HIVEP3: variants seen among roughly 807,000 people sequenced by gnomAD.
HIVEP3 encodes the protein HIVEP zinc finger 3, also known as transcription factor HIVEP3.
HIVEP3 carries 49 observed loss-of-function variants against 152.8 expected under a neutral mutation model. The observed-to-expected ratio is 0.32, with a 90% confidence interval of 0.26 to 0.41. The LOEUF (loss-of-function observed/expected upper bound fraction) is 0.41, where lower values mean the gene tolerates loss of function less well. HIVEP3 is among the 10% of genes least tolerant of loss of function. The pLI is 1.00. For missense variants in HIVEP3, 2,790 were observed against 3,103.3 expected, an observed-to-expected ratio of 0.90 and a Z score of 2.40; for synonymous variants, 1,269 against 1,289.0, an observed-to-expected ratio of 0.98 and a Z score of 0.33.
At chr1:41,710,828 T>C (rs1048484382) in intron 1 of HIVEP3, among the ~76,000 whole-genome samples, 6 of 152,336 alleles carry the variant, frequency 3.9e-5, no homozygotes, top group African/African-American at 1.4e-4. Flanking sequence ...CGGCTGATCA[T>C]AGCTTCTTAA....
chr1:41,510,997 GAA>G lies in HIVEP3; in HGVS notation c.6673_6674del (p.Phe2225LeufsTer23). On this transcript the variant is annotated frameshift_variant, in exon 9 of 9. Coordinates refer to ENST00000372583, the MANE Select transcript of HIVEP3 (RefSeq NM_024503.5). LOFTEE classifies it high-confidence loss of function. ...CTGTCAGGTCGCTGCCACCCCCGGA[GAA>G]GCCACTGACCCAGGCTGCGGTGGGC... is the stretch of plus-strand genomic sequence containing the variant. ...PGPTAAWVSG[F>X]SGGGSDLTGA... 1 of 1,613,514 alleles carries G rather than the reference GAA, an allele frequency of 6.2e-7. No individual in the cohort carries two copies. Among genetic ancestry groups the G allele is most frequent in the South Asian group, 1.1e-5 (1 of 91,046 alleles).
Position 41,795,004 on chromosome 1 carries a change from T to G in HIVEP3, c.-800-94009A>C, listed in dbSNP as rs148633769. Among the ~76,000 whole-genome samples the G allele has an allele frequency of 4.6e-5, 7 of 152,334 alleles. No homozygotes were observed. The South Asian group carries it at 8.3e-4, about 18-fold the overall frequency. ...ATGTAGTGGCACAATCATAGCTTAC[T>G]ATAACCTCAAATGGACCTAAGACTA... is the stretch of plus-strand genomic sequence containing the variant. On this transcript the variant is annotated intron_variant, in intron 1 of 8. Transcript: ENST00000372583.
At chr1:41,531,151 G>A (rs1643233971) in intron 5 of HIVEP3, among the ~76,000 whole-genome samples, 1 of 151,438 alleles carries the variant, frequency 6.6e-6, no homozygotes, top group Non-Finnish European at 1.5e-5. Flanking sequence ...ATGGAGGACA[G>A]GAGAGAAGGG....
At chr1:41,529,308 C>A (rs1643154279) in intron 5 of HIVEP3, among the ~76,000 whole-genome samples, 1 of 142,462 alleles carries the variant, frequency 7.0e-6, no homozygotes, top group Non-Finnish European at 1.5e-5. Flanking sequence ...CACCATCACA[C>A]ATGCTCACAC....
In HIVEP3 at chr1:41,564,374, G is replaced by A. The variant is rs534817955; in HGVS notation, c.5207+11170C>T. Among the ~76,000 whole-genome samples the A allele has an allele frequency of 2.4e-4, 37 of 152,320 alleles. No homozygotes were observed. The East Asian group carries it at 7.1e-3, about 29-fold the overall frequency. ...GAATAACAGCAGTTCCAGAGAGAGA[G>A]AAGAAACAGAGGAGAGGAGATAATC... On this transcript the variant is annotated intron_variant, in intron 5 of 8. Coordinates refer to ENST00000372583, the MANE Select transcript of HIVEP3 (RefSeq NM_024503.5).
intron 2 of HIVEP3, among the ~76,000 whole-genome samples, chr1:41,695,175 G>C (rs1646253909): frequency 6.6e-6 from 1 of 152,222 alleles, no homozygotes; most frequent in Non-Finnish European, 1.5e-5. Context: ...CTATGGGACT[G>C]GGGAGTGGAG....
At chr1:41,748,666 CA>C (rs1472876493) in intron 1 of HIVEP3, among the ~76,000 whole-genome samples, 3 of 152,178 alleles carry the variant, frequency 2.0e-5, no homozygotes, top group Non-Finnish European at 4.4e-5. Flanking sequence ...TCACAGTCAC[CA>C]TTGCATGATG....
intron 1 of HIVEP3, among the ~76,000 whole-genome samples, chr1:41,966,625 C>G (rs958895182): frequency 4.0e-5 from 6 of 151,270 alleles, no homozygotes; most frequent in African/African-American, 1.5e-4. Flanking sequence ...AGGTGCCCAT[C>G]ACCGTGCCCA....
At chr1:42,029,453 T>C (rs568835327) in intron 1 of HIVEP3, among the ~76,000 whole-genome samples, 1 of 152,336 alleles carries the variant, frequency 6.6e-6, no homozygotes, top group South Asian at 2.1e-4. Flanking sequence ...TGCTAATTCC[T>C]ACCTAGAAGG....
At chr1:41,594,481 C>T (rs1041094884) in intron 3 of HIVEP3, among the ~76,000 whole-genome samples, 20 of 152,156 alleles carry the variant, frequency 1.3e-4, no homozygotes, top group African/African-American at 4.8e-4. Context: ...CTCAGCCTCC[C>T]GAAGTGCTGG....
Position 41,845,419 on chromosome 1 carries a change from G to A in HIVEP3, c.-801+72994C>T, listed in dbSNP as rs12077556. Among the ~76,000 whole-genome samples the A allele has an allele frequency of 3.1e-3, 425 of 136,152 alleles. 2 individuals are homozygous for A. Among genetic ancestry groups the A allele is most frequent in the African/African-American group, 0.011 (370 of 34,626 alleles). The allele number at this position is 136,152 out of a possible 152,430, so 89.3% of individuals were successfully genotyped here. ...ACACCTCCTATACACACACACACAC[G>A]CACACACACACACACACACACACAC... On this transcript the variant is annotated intron_variant, in intron 1 of 8. Transcript: ENST00000372583.
At chr1:41,568,262 G>A (rs1164487937) in intron 5 of HIVEP3, among the ~76,000 whole-genome samples, 1 of 152,238 alleles carries the variant, frequency 6.6e-6, no homozygotes, top group African/African-American at 2.4e-5. Flanking sequence ...TGGGTAGTGT[G>A]GGAAGGCTTC....
chr1:41,819,089 G>GTT (rs1558296957), intron 1 of HIVEP3, among the ~76,000 whole-genome samples: 1 of 152,112 alleles, frequency 6.6e-6, no homozygotes, highest in African/African-American at 2.4e-5. Context: ...TTGTAGAATC[G>GTT]TTGTTAAAAT....
intron 3 of HIVEP3, among the ~76,000 whole-genome samples, chr1:41,622,471 G>T (rs1337349279): frequency 6.6e-6 from 1 of 152,176 alleles, no homozygotes; most frequent in East Asian, 1.9e-4. Context: ...TCATCCTGTA[G>T]GTCAAGGGTT....
chr1:41,633,984 T>C (rs570734659), intron 2 of HIVEP3, among the ~76,000 whole-genome samples: 1 of 152,316 alleles, frequency 6.6e-6, no homozygotes, highest in South Asian at 2.1e-4. Flanking sequence ...ATTTGGTATC[T>C]GCATCATTTA....
At chr1:41,568,116 A>G (rs1037328687) in intron 5 of HIVEP3, among the ~76,000 whole-genome samples, 6 of 152,224 alleles carry the variant, frequency 3.9e-5, no homozygotes, top group Non-Finnish European at 8.8e-5. Context: ...ACAGCAATGA[A>G]CAAAACATAG....
At position 41,996,927 on chromosome 1, in the gene HIVEP3, T is replaced by C. The variant is rs550137476; in HGVS notation, n.119+38880A>G. Reference sequence around the variant, plus strand: ...TTGAAGGCAGCAGCATAGCACATCTTCGAATCTCTCTCTGGCCCTGAAACT... The same window carrying C: ...TTGAAGGCAGCAGCATAGCACATCTCCGAATCTCTCTCTGGCCCTGAAACT... On this transcript the variant is annotated intron_variant and non_coding_transcript_variant, in intron 1 of 3. Coordinates refer to the HIVEP3 transcript ENST00000489103. Among the ~76,000 whole-genome samples, 3 of 152,282 alleles carry C rather than the reference T, an allele frequency of 2.0e-5. No individual in the cohort carries two copies. The East Asian group carries it at 5.8e-4, about 29-fold the overall frequency.
At chr1:41,548,214 G>T (rs1643850991) in intron 5 of HIVEP3, among the ~76,000 whole-genome samples, 1 of 152,188 alleles carries the variant, frequency 6.6e-6, no homozygotes, top group Non-Finnish European at 1.5e-5. Flanking sequence ...GTATGTGTGT[G>T]TTGAGCATTG....
At chr1:41,823,878 A>G (rs1642682381) in intron 1 of HIVEP3, among the ~76,000 whole-genome samples, 1 of 152,198 alleles carries the variant, frequency 6.6e-6, no homozygotes, top group Non-Finnish European at 1.5e-5. Flanking sequence ...GACTCCTGTC[A>G]ATGACACAAA....
Sources: gnomAD v4.1 joint callset for allele counts (sites outside exome capture counted in the v4.1 genomes callset) on GRCh38, gnomAD v4.1.1 for gene constraint, MANE v1.5 for transcripts, NCBI Gene and HGNC (gene_info 2026-07-23, HGNC 2026-07-21) for gene names.